The following C1orf21 variants were observed in gnomAD, a reference collection of about 807,000 sequenced individuals.
C1orf21 encodes the protein chromosome 1 open reading frame 21.
A neutral mutation model predicts 18.7 loss-of-function variants in C1orf21; 3 were observed. The observed-to-expected ratio is 0.16, with a 90% CI of 0.07 to 0.42. C1orf21 has a LOEUF of 0.42. Among genes scored for constraint, C1orf21 ranks in the 10% least tolerant of loss-of-function variants. C1orf21 has a pLI of 0.99. For synonymous variants in C1orf21, 41 were observed against 46.4 expected (o/e 0.88, Z 0.47); for missense variants, 104 against 143.6 (o/e 0.72, Z 1.41).
intron 3 of C1orf21, among the ~76,000 whole-genome samples, chr1:184,555,722 G>A (rs1391134233): frequency 6.6e-6 from 1 of 152,050 alleles, no homozygotes; most frequent in Admixed American, 6.5e-5. Flanking sequence ...TGGAGGTGGG[G>A]TGGGAGGCGT....
chr1:184,583,557 G>A (rs1659311415), intron 3 of C1orf21, among the ~76,000 whole-genome samples: 1 of 152,246 alleles, frequency 6.6e-6, no homozygotes, highest in Admixed American at 6.5e-5. Flanking sequence ...TAGGTTGAAA[G>A]CTGGCTCTGT....
intron 3 of C1orf21, among the ~76,000 whole-genome samples, chr1:184,563,633 T>G (rs1314612347): frequency 6.6e-6 from 1 of 152,242 alleles, no homozygotes; most frequent in Non-Finnish European, 1.5e-5. Flanking sequence ...AAGGTAATTA[T>G]AAGCAGAGAA....
chr1:184,601,825 C>T (rs866984694), intron 5 of C1orf21, among the ~76,000 whole-genome samples: 15 of 151,768 alleles, frequency 9.9e-5, no homozygotes, highest in Middle Eastern at 3.4e-3. Flanking sequence ...CACTTGAACT[C>T]GGGAGGTGGA....
chr1:184,389,255 CG>C (rs1024182368), intron 1 of C1orf21, among the ~76,000 whole-genome samples: 6 of 147,830 alleles, frequency 4.1e-5, no homozygotes, highest in African/African-American at 1.5e-4. Flanking sequence ...TGAGGAGGGG[CG>C]GGGTGCTTCT....
intron 1 of C1orf21, among the ~76,000 whole-genome samples, chr1:184,466,181 A>C (rs1274248556): frequency 6.6e-6 from 1 of 152,178 alleles, no homozygotes; most frequent in East Asian, 1.9e-4. Context: ...GTGTAACCGT[A>C]TGTGTTCTTT....
intron 1 of C1orf21, among the ~76,000 whole-genome samples, chr1:184,454,812 A>G (rs1430504559): frequency 2.6e-5 from 4 of 152,172 alleles, no homozygotes; most frequent in Admixed American, 6.5e-5. Flanking sequence ...CTGTGAGCCA[A>G]TTCAACCTCT....
At chr1:184,589,052 A>G (rs563501924) in intron 3 of C1orf21, among the ~76,000 whole-genome samples, 2 of 152,332 alleles carry the variant, frequency 1.3e-5, no homozygotes, top group African/African-American at 4.8e-5. Flanking sequence ...ACAGTTAAAT[A>G]AATGGAATAT....
intron 3 of C1orf21, among the ~76,000 whole-genome samples, chr1:184,551,148 G>A (rs1658807002): frequency 6.6e-6 from 1 of 152,150 alleles, no homozygotes; most frequent in Non-Finnish European, 1.5e-5. Flanking sequence ...CTGGAATACA[G>A]CAATCCCATG....
chr1:184,547,674 G>A (rs926498922), intron 3 of C1orf21, among the ~76,000 whole-genome samples: 1 of 151,886 alleles, frequency 6.6e-6, no homozygotes, highest in Non-Finnish European at 1.5e-5. Context: ...TTTTATTTTG[G>A]CAGCATTTTA....
intron 4 of C1orf21, among the ~76,000 whole-genome samples, chr1:184,591,581 A>T (rs948724496): frequency 2.0e-5 from 3 of 152,098 alleles, no homozygotes; most frequent in Admixed American, 2.0e-4. Flanking sequence ...CCAAGGCGGG[A>T]GGATCACGAG....
chr1:184,497,236 C>G (rs865902695), intron 2 of C1orf21, among the ~76,000 whole-genome samples: 11 of 152,342 alleles, frequency 7.2e-5, no homozygotes, highest in Middle Eastern at 3.4e-3. Flanking sequence ...ATTTACTGTG[C>G]TGCCCACCAT....
chr1:184,443,589 G>A (rs1480088019), intron 1 of C1orf21, among the ~76,000 whole-genome samples: 1 of 152,150 alleles, frequency 6.6e-6, no homozygotes, highest in Non-Finnish European at 1.5e-5. Context: ...TCTACTTGGT[G>A]TTATTTAAGG....
At chr1:184,493,657 T>C (rs962916871) in intron 2 of C1orf21, among the ~76,000 whole-genome samples, 2 of 152,384 alleles carry the variant, frequency 1.3e-5, no homozygotes, top group African/African-American at 4.8e-5. Flanking sequence ...GATTTTATTT[T>C]TAATGTGGCA....
chr1:184,489,562 G>A (rs1247793711), intron 2 of C1orf21, among the ~76,000 whole-genome samples: 1 of 152,174 alleles, frequency 6.6e-6, no homozygotes, highest in East Asian at 1.9e-4. Context: ...AGGAGACCCA[G>A]TGCTAGGAAT....
intron 2 of C1orf21, among the ~76,000 whole-genome samples, chr1:184,503,393 A>G (rs965449615): frequency 1.3e-5 from 2 of 152,016 alleles, no homozygotes; most frequent in African/African-American, 4.8e-5. Flanking sequence ...CTCCAAATTT[A>G]GAGTCAGCCC....
At chr1:184,618,191 G>A (rs1043779342) in intron 5 of C1orf21, among the ~76,000 whole-genome samples, 2 of 152,142 alleles carry the variant, frequency 1.3e-5, no homozygotes, top group African/African-American at 4.8e-5. Flanking sequence ...TTACAGGCGT[G>A]AGCCACCGTG....
intron 1 of C1orf21, among the ~76,000 whole-genome samples, chr1:184,428,505 G>A (rs1215871567): frequency 6.6e-6 from 1 of 152,036 alleles, no homozygotes; most frequent in African/African-American, 2.4e-5. Context: ...GAAGAGGGCT[G>A]GTCACACTTC....
intron 4 of C1orf21, among the ~76,000 whole-genome samples, chr1:184,594,875 A>T (rs558308872): frequency 3.3e-5 from 5 of 152,204 alleles, no homozygotes; most frequent in Non-Finnish European, 7.4e-5. Context: ...TCATTTGCAG[A>T]TTTTATTTTT....
intron 1 of C1orf21, among the ~76,000 whole-genome samples, chr1:184,459,735 A>C (rs1357518725): frequency 6.6e-6 from 1 of 152,198 alleles, no homozygotes. Flanking sequence ...ATAAAAGCAC[A>C]GTAAGGATAG....
Sources: allele counts gnomAD v4.1 joint callset (sites outside exome capture counted in the v4.1 genomes callset), GRCh38; gene constraint gnomAD v4.1.1; transcripts MANE v1.5; gene names NCBI Gene and HGNC (gene_info 2026-07-23, HGNC 2026-07-21).